The following DMD variants were observed in gnomAD, a reference collection of about 807,000 sequenced individuals.
The protein encoded by DMD is dystrophin.
DMD carries 63 observed loss-of-function variants against 330.1 expected under a neutral mutation model. That is an observed-to-expected ratio of 0.19 (90% CI 0.16 to 0.24). The LOEUF (loss-of-function observed/expected upper bound fraction) is 0.24, where lower values mean the gene tolerates loss of function less well. Among genes scored for constraint, DMD ranks in the 10% least tolerant of loss-of-function variants. DMD has a pLI of 1.00. For synonymous variants in DMD, 1,223 were observed against 959.8 expected, an observed-to-expected ratio of 1.27 and a Z score of -5.07; for missense variants, 3,344 against 2,684.1, an observed-to-expected ratio of 1.25 and a Z score of -5.43.
intron 57 of DMD, among the ~76,000 whole-genome samples, chrX:31,480,239 C>T (rs1320469333): frequency 9.0e-6 from 1 of 111,286 alleles, no homozygotes; most frequent in Non-Finnish European, 1.9e-5. Context: ...AGAAGTGTTC[C>T]AGAGCTGTAT....
chrX:31,521,130 T>C (rs2072714672), intron 55 of DMD, among the ~76,000 whole-genome samples: 1 of 110,551 alleles, frequency 9.0e-6, no homozygotes, highest in Non-Finnish European at 1.9e-5. Context: ...ACTTTACAGA[T>C]TATTTTACAA....
intron 55 of DMD, among the ~76,000 whole-genome samples, chrX:31,530,348 C>T (rs2073639698): frequency 8.9e-6 from 1 of 111,874 alleles, no homozygotes; most frequent in Non-Finnish European, 1.9e-5. Flanking sequence ...CAGCCTTTTC[C>T]TTTTGAAGAA....
chrX:31,802,865 C>T (rs1320051178), intron 50 of DMD, among the ~76,000 whole-genome samples: 3 of 111,233 alleles, frequency 2.7e-5, no homozygotes, highest in Non-Finnish European at 3.8e-5. Flanking sequence ...GAAAACAGGG[C>T]CTGGATGAGG....
chrX:32,768,616 C>T (rs988067639), intron 7 of DMD, among the ~76,000 whole-genome samples: 2 of 111,934 alleles, frequency 1.8e-5, no homozygotes, highest in Non-Finnish European at 3.8e-5. Context: ...CTTAAGGTTC[C>T]ATTAAATTTA....
rs761685979 is a variant in DMD, at chrX:32,205,375, C to A, written c.6438+11541G>T. Among the ~76,000 whole-genome samples, 79 of 108,271 alleles carry A rather than the reference C, an allele frequency of 7.3e-4. No homozygotes were observed. The Admixed American group carries it at 7.9e-3, about 11-fold the overall frequency. The allele number at this position is 108,271 out of a possible 115,157, so 94.0% of individuals were successfully genotyped here. On this transcript the variant is annotated intron_variant, in intron 44 of 78. Coordinates refer to ENST00000357033, the MANE Select transcript of DMD (RefSeq NM_004006.3). Reference sequence around the variant, plus strand: ...TGACACCATCACTTTTCAACTTTTTCTCATTTTCATGGATTTACAATTCTC... The same window carrying A: ...TGACACCATCACTTTTCAACTTTTTATCATTTTCATGGATTTACAATTCTC...
intron 1 of DMD, among the ~76,000 whole-genome samples, chrX:33,225,637 T>C (rs958792823): frequency 1.9e-5 from 2 of 107,403 alleles, no homozygotes; most frequent in African/African-American, 6.8e-5. Flanking sequence ...TACAGGAGAG[T>C]CTTCAGGATG....
chrX:31,683,268 C>T (rs1459290882), intron 52 of DMD, among the ~76,000 whole-genome samples: 4 of 112,277 alleles, frequency 3.6e-5, no homozygotes, highest in African/African-American at 1.3e-4. Context: ...TATTTACCAT[C>T]TGTTAGACAC....
chrX:33,269,831 A>G, intron 1 of DMD, among the ~76,000 whole-genome samples: 1 of 111,086 alleles, frequency 9.0e-6, no homozygotes, highest in Non-Finnish European at 1.9e-5. Context: ...GAGTAGAATT[A>G]TATGCCTTAG....
intron 1 of DMD, among the ~76,000 whole-genome samples, chrX:33,281,295 C>T (rs1209715704): frequency 9.4e-6 from 1 of 106,874 alleles, no homozygotes; most frequent in Non-Finnish European, 1.9e-5. Flanking sequence ...TGCAACCTCT[C>T]TCTCCCGGGT....
intron 9 of DMD, among the ~76,000 whole-genome samples, chrX:32,657,571 G>A (rs985966386): frequency 9.0e-6 from 1 of 111,661 alleles, no homozygotes; most frequent in African/African-American, 3.3e-5. Context: ...TAAACAAACC[G>A]ACATTCCTTG....
At chrX:32,931,951 G>C (rs186982803) in intron 2 of DMD, among the ~76,000 whole-genome samples, 103 of 111,796 alleles carry the variant, frequency 9.2e-4, no homozygotes, top group African/African-American at 3.2e-3. Context: ...AAAGTGGAAA[G>C]TCCCTATTCA....
chrX:31,203,674 G>A (rs2043761368), intron 67 of DMD, among the ~76,000 whole-genome samples: 1 of 112,023 alleles, frequency 8.9e-6, no homozygotes, highest in Non-Finnish European at 1.9e-5. Flanking sequence ...GGATTTCTGT[G>A]GCTAGAGACT....
intron 52 of DMD, among the ~76,000 whole-genome samples, chrX:31,693,727 G>T (rs2083267930): frequency 9.0e-6 from 1 of 111,584 alleles, no homozygotes; most frequent in African/African-American, 3.2e-5. Flanking sequence ...CCAAGAAAGT[G>T]AAAGATCTGC....
chrX:31,427,558 A>G (rs1395413341), intron 60 of DMD, among the ~76,000 whole-genome samples: 1 of 111,941 alleles, frequency 8.9e-6, no homozygotes, highest in Non-Finnish European at 1.9e-5. Flanking sequence ...TTTCTGAGAA[A>G]AGGCATTAAC....
intron 5 of DMD, among the ~76,000 whole-genome samples, chrX:32,820,291 A>C (rs1156740151): frequency 9.1e-6 from 1 of 110,486 alleles, no homozygotes; most frequent in Non-Finnish European, 1.9e-5. Flanking sequence ...AAATACAAAA[A>C]ATTAGCCGGG....
chrX:32,191,203 C>T (rs941991478), intron 44 of DMD, among the ~76,000 whole-genome samples: 4 of 111,610 alleles, frequency 3.6e-5, no homozygotes, highest in Non-Finnish European at 7.5e-5. Flanking sequence ...TAGCTTCTAT[C>T]GAGAGACTGT....
intron 21 of DMD, among the ~76,000 whole-genome samples, chrX:32,483,461 C>T (rs2042119195): frequency 9.3e-6 from 1 of 107,619 alleles, no homozygotes; most frequent in South Asian, 4.0e-4. Flanking sequence ...TCAAACATTG[C>T]TATTCTGAAC....
chrX:31,636,829 G>A lies in DMD; in HGVS notation c.8028-8967C>T, dbSNP rs897958797. Among the ~76,000 whole-genome samples the A allele has an allele frequency of 8.1e-5, 9 of 111,473 alleles. No individual in the cohort carries two copies. In the East Asian group the frequency reaches 2.5e-3, roughly 31 times the overall value. ...TATGAGATGTGTTACAATAAATACT[G>A]AACTTTGAACTCGAGGTAAGCTTGA... On this transcript the variant is annotated intron_variant, in intron 54 of 78. Transcript: ENST00000357033.
intron 19 of DMD, among the ~76,000 whole-genome samples, chrX:32,495,015 G>A (rs961779013): frequency 4.5e-5 from 5 of 110,906 alleles, no homozygotes; most frequent in African/African-American, 3.3e-5. Context: ...TGGGAATCCT[G>A]GAATATTCTG....
Sources: allele counts gnomAD v4.1 joint callset (sites outside exome capture counted in the v4.1 genomes callset), GRCh38; gene constraint gnomAD v4.1.1; transcripts MANE v1.5; gene names NCBI Gene and HGNC (gene_info 2026-07-23, HGNC 2026-07-21).